DNAH5: variants seen among roughly 807,000 people sequenced by gnomAD.
DNAH5 encodes dynein axonemal heavy chain 5, also known as axonemal beta dynein heavy chain 5.
In DNAH5, 372 loss-of-function variants were observed where a neutral mutation model predicts 518.2. The ratio of observed to expected loss-of-function variants is 0.72; its 90% CI spans 0.66 to 0.78. The LOEUF (loss-of-function observed/expected upper bound fraction) is 0.78. Ranked by LOEUF, DNAH5 falls within the 30% of genes least tolerant of loss-of-function variation. The pLI, the probability that DNAH5 is intolerant of heterozygous loss-of-function variation, is 0.00. For synonymous variants in DNAH5, 2,039 were observed against 2,025.9 expected (o/e 1.01, Z -0.17); for missense variants, 5,523 against 5,687.0 (o/e 0.97, Z 0.93).
intron 47 of DNAH5, among the ~76,000 whole-genome samples, chr5:13,800,783 C>T (rs532514079): frequency 6.6e-6 from 1 of 152,290 alleles, no homozygotes; most frequent in East Asian, 1.9e-4. Context: ...ACATTCCTTC[C>T]AATCTCTTTG....
chr5:13,805,164 C>A lies in DNAH5; in HGVS notation c.7887+2427G>T, dbSNP rs185550346. Among the ~76,000 whole-genome samples the A allele has an allele frequency of 3.0e-3, 451 of 152,210 alleles. 3 individuals are homozygous for A. The highest frequency in any genetic ancestry group is 0.01 in the African/African-American group (435 of 41,528). ...GTTGAAGTTTTAAGTCACATGATAT[C>A]AGTTGACCTGGGAGGGGAGCTGATG... is the stretch of plus-strand genomic sequence containing the variant. On this transcript the variant is annotated intron_variant, in intron 47 of 78. Transcript: ENST00000265104.
At position 13,770,889 on chromosome 5, in the gene DNAH5, C is replaced by A. The variant is rs1753248687; in HGVS notation, c.9465G>T (p.Gly3155=). 2 of 1,613,918 alleles carry A rather than the reference C, an allele frequency of 1.2e-6. No individual in the cohort carries two copies. The highest frequency in any genetic ancestry group is 1.3e-5 in the African/African-American group (1 of 74,886). The change falls in exon 56 of 79, where the codon GGG becomes GGT. Residue 3155 remains glycine, a synonymous_variant. Transcript: ENST00000265104. ...AATAATCAACACACTTCTCAGCCAC[C>A]CCATCCTGGAAGGAGCCCATGCATT... ...VVQCMGSFQD[G]VAEKCVDYFQ...
chr5:13,765,801 A>G (rs1752437540), intron 59 of DNAH5, among the ~76,000 whole-genome samples, 175 bp downstream of exon 59: 1 of 152,206 alleles, frequency 6.6e-6, no homozygotes, highest in Admixed American at 6.5e-5. Flanking sequence ...TACAACTAAA[A>G]TCTGTCAGGA....
At chr5:13,810,844 C>G (rs1434020400) in intron 44 of DNAH5, among the ~76,000 whole-genome samples, 1 of 151,774 alleles carries the variant, frequency 6.6e-6, no homozygotes, top group African/African-American at 2.4e-5. Flanking sequence ...TGTCCATCAA[C>G]AGATGAATGG....
chr5:13,859,540 A>T lies in DNAH5; in HGVS notation c.4862T>A (p.Ile1621Asn). ...TTGCACCGTCATCCAGCTCTCGATG[A>T]TGTCTGTTGAGTTGGAAAGGTACTG... ...WVQYLSNSTD[I>N]IESWMTVQNL... Residue 1621 changes from isoleucine (I) to asparagine (N), a missense_variant, in exon 30 of 79, where the codon ATC (isoleucine) becomes AAC (asparagine). By Grantham distance (149) the Ile-to-Asn change is moderately radical. Around this residue, in one of 3 missense-constraint regions of DNAH5, gnomAD observed 5,121 missense variants for 5,223.3 expected, o/e 0.98. Coordinates refer to ENST00000265104, the MANE Select transcript of DNAH5 (RefSeq NM_001369.3). 1.2e-6 allele frequency: 2 copies of T among 1,614,032 alleles called. No homozygotes were observed. The highest frequency in any genetic ancestry group is 1.7e-6 in the Non-Finnish European group (2 of 1,179,920).
chr5:13,928,855 G>A (rs542328932), intron 2 of DNAH5, among the ~76,000 whole-genome samples: 7 of 152,328 alleles, frequency 4.6e-5, no homozygotes, highest in East Asian at 1.9e-4. Context: ...AAGTGCTGGC[G>A]AGGATGTGGA....
intron 1 of DNAH5, among the ~76,000 whole-genome samples, chr5:13,972,199 A>G (rs1781920967): frequency 6.6e-6 from 1 of 152,098 alleles, no homozygotes; most frequent in African/African-American, 2.4e-5. Context: ...GTTTATTTCC[A>G]GGCAGCCGGT....
chr5:13,989,733 T>A (rs765793373), intron 1 of DNAH5, among the ~76,000 whole-genome samples: 25 of 152,162 alleles, frequency 1.6e-4, no homozygotes, highest in Admixed American at 3.9e-4. Context: ...TCCAGCCACC[T>A]CGGCCTCCCA....
At chr5:13,859,762 TC>T (rs1768131586) in intron 29 of DNAH5, among the ~76,000 whole-genome samples, 157 bp from the exon 30 acceptor site, 1 of 152,208 alleles carries the variant, frequency 6.6e-6, no homozygotes, top group African/African-American at 2.4e-5. Context: ...GATTAATTCA[TC>T]CCCACTTACT....
At chr5:13,973,721 TAAAA>T (rs55645869) in intron 1 of DNAH5, among the ~76,000 whole-genome samples, 48 of 145,206 alleles carry the variant, frequency 3.3e-4, no homozygotes, top group Admixed American at 6.1e-4. Flanking sequence ...TCACTTATGT[TAAAA>T]AAAAAAAAAA....
intron 60 of DNAH5, among the ~76,000 whole-genome samples, chr5:13,762,291 A>G (rs1295721379): frequency 6.6e-6 from 1 of 152,192 alleles, no homozygotes; most frequent in Non-Finnish European, 1.5e-5. Flanking sequence ...TCACGTCTTA[A>G]GCCAAGCTAA....
At chr5:13,794,227 G>C (rs551783878) in intron 47 of DNAH5, among the ~76,000 whole-genome samples, 169 bp from the exon 48 acceptor site, 1 of 152,238 alleles carries the variant, frequency 6.6e-6, no homozygotes, top group South Asian at 2.1e-4. Context: ...AAATTATCTT[G>C]TATAACATTC....
chr5:13,771,163 T>C, intron 55 of DNAH5, 183 bp from the exon 56 acceptor site: 1 of 601,822 alleles, frequency 1.7e-6, no homozygotes, highest in Non-Finnish European at 2.9e-6. Context: ...TTTTATTTTC[T>C]GTTGTATATA....
chr5:13,977,213 T>G (rs1782323032), intron 1 of DNAH5, among the ~76,000 whole-genome samples: 2 of 152,164 alleles, frequency 1.3e-5, no homozygotes, highest in Admixed American at 1.3e-4. Flanking sequence ...CAGCATCCTT[T>G]TAAGAGCTGT....
intron 65 of DNAH5, among the ~76,000 whole-genome samples, chr5:13,739,505 A>G (rs1203155963): frequency 2.0e-5 from 3 of 152,146 alleles, no homozygotes; most frequent in Admixed American, 2.0e-4. Flanking sequence ...TTTCCTTTAT[A>G]AATTACCCAG....
rs759304216 is a variant in DNAH5 at position 13,752,194 on chromosome 5, T to C, written c.10968A>G (p.Leu3656=). 2 of 1,614,054 alleles carry C rather than the reference T, an allele frequency of 1.2e-6. No homozygotes were observed. Among genetic ancestry groups the C allele is most frequent in the South Asian group, 2.2e-5 (2 of 91,084 alleles). The change falls in exon 64 of 79, where the codon CTA becomes CTG. Residue 3656 remains leucine, a synonymous_variant. Coordinates refer to ENST00000265104, the MANE Select transcript of DNAH5 (RefSeq NM_001369.3). ...CCAAAACATTATCTAGTGCTGGATC[T>C]AGTTCCTCTCCAACATCTTCAATAA... ...PLLIEDVGEE[L]DPALDNVLER...
At chr5:13,983,656 A>T (rs188183766) in intron 1 of DNAH5, among the ~76,000 whole-genome samples, 1 of 152,178 alleles carries the variant, frequency 6.6e-6, no homozygotes, top group Non-Finnish European at 1.5e-5. Flanking sequence ...CCTCTAGGCT[A>T]TGGGAATGAG....
chr5:13,735,053 A>G (rs1747174236), intron 68 of DNAH5, 78 bp downstream of exon 68: 1 of 1,400,292 alleles, frequency 7.1e-7, no homozygotes, highest in Admixed American at 1.7e-5. Context: ...GTTATAACCA[A>G]AAAATGTACT....
In DNAH5 at chr5:13,700,800, C is replaced by T. The variant is rs1388700942; in HGVS notation, c.13563G>A (p.Met4521Ile). The T allele has an allele frequency of 6.2e-7, 1 of 1,614,162 alleles. No individual in the cohort carries two copies. Among genetic ancestry groups the T allele is most frequent in the Non-Finnish European group, 8.5e-7 (1 of 1,180,000 alleles). ...TGGGAGGGGCAGAAATGTCGTCCTT[C>T]ATCCATTTGGTGACTTCATTGCAAA... Reference protein sequence around the residue: ...MVLCNEVTKWMKDDISAPPTE... With the variant: ...MVLCNEVTKWIKDDISAPPTE... The change falls in exon 78 of 79, where the codon ATG (methionine) becomes ATA (isoleucine). Residue 4521 changes from methionine to isoleucine, a missense_variant. By Grantham distance (10) the Met-to-Ile change is conservative. Transcript: ENST00000265104.
Sources: gnomAD v4.1 joint callset for allele counts (sites outside exome capture counted in the v4.1 genomes callset) on GRCh38, gnomAD v4.1.1 for gene constraint, gnomAD v4.1.1 regional missense constraint, MANE v1.5 for transcripts, NCBI Gene and HGNC (gene_info 2026-07-23, HGNC 2026-07-21) for gene names.